The following FAT3 variants were observed in gnomAD, a reference collection of about 807,000 sequenced individuals.
The protein encoded by FAT3 is FAT atypical cadherin 3, also known as protocadherin Fat 3.
A neutral mutation model predicts 310.2 loss-of-function variants in FAT3; 95 were observed. The ratio of observed to expected loss-of-function variants is 0.31; its 90% CI spans 0.26 to 0.36. The LOEUF (loss-of-function observed/expected upper bound fraction) is 0.36, where lower values mean the gene tolerates loss of function less well. Among genes scored for constraint, FAT3 ranks in the 10% least tolerant of loss-of-function variants. The pLI is 1.00. For missense variants in FAT3, 5,408 were observed against 5,715.6 expected, an observed-to-expected ratio of 0.95 and a Z score of 1.74; for synonymous variants, 2,314 against 2,192.9, an observed-to-expected ratio of 1.06 and a Z score of -1.54.
In FAT3 at chr11:92,333,001, T is replaced by C. The variant is rs181371201; in HGVS notation, c.-17-19095T>C. Among the ~76,000 whole-genome samples the C allele has an allele frequency of 2.0e-5, 3 of 152,338 alleles. No homozygotes were observed. In the East Asian group the frequency reaches 5.8e-4, roughly 29 times the overall value. ...AAATTGAGTTGCAGAACCAGTGTAC[T>C]TAACAACAGTGGGGTTTAAGTGATC... On this transcript the variant is annotated intron_variant, in intron 1 of 27. Transcript: ENST00000525166.
intron 1 of FAT3, among the ~76,000 whole-genome samples, chr11:92,339,618 A>G (rs1017792341): frequency 6.6e-6 from 1 of 152,100 alleles, no homozygotes; most frequent in African/African-American, 2.4e-5. Context: ...GGCCAGACCT[A>G]ATTGTGGAGA....
Position 92,827,393 on chromosome 11 carries a change from A to G in FAT3, c.9482-4229A>G, listed in dbSNP as rs573226887. The stretch of plus-strand genomic sequence containing the variant: ...AACCAACTCCCTTTATTTAACTTGG[A>G]AAGGAGTCATAGTGCTGGAAAATAA... On this transcript the variant is annotated intron_variant, in intron 13 of 27. Coordinates refer to ENST00000525166, the MANE Select transcript of FAT3 (RefSeq NM_001367949.2). Among the ~76,000 whole-genome samples the G allele has an allele frequency of 7.2e-5, 11 of 152,298 alleles. No individual in the cohort carries two copies. In the South Asian group the frequency reaches 2.3e-3, roughly 32 times the overall value.
chr11:92,577,082 G>A (rs1354446867), intron 3 of FAT3, among the ~76,000 whole-genome samples: 1 of 151,616 alleles, frequency 6.6e-6, no homozygotes, highest in African/African-American at 2.4e-5. Context: ...TATGTGTCAG[G>A]CATTACCTTG....
At chr11:92,501,890 C>G (rs888028467) in intron 2 of FAT3, among the ~76,000 whole-genome samples, 5 of 151,940 alleles carry the variant, frequency 3.3e-5, no homozygotes, top group Non-Finnish European at 5.9e-5. Context: ...TCTGTGCCCA[C>G]ATGATGTACT....
rs1309217389 is a variant in FAT3, at chr11:92,412,717, A to G, written c.3292+57313A>G. Among the ~76,000 whole-genome samples the G allele has an allele frequency of 1.1e-3, 27 of 25,160 alleles. 2 individuals are homozygous for G. Among genetic ancestry groups the G allele is most frequent in the African/African-American group, 2.4e-3 (25 of 10,434 alleles). 16.5% of individuals were successfully genotyped at this position (25,160 alleles called of 152,430 possible). On this transcript the variant is annotated intron_variant, in intron 2 of 27. Coordinates refer to ENST00000525166, the MANE Select transcript of FAT3 (RefSeq NM_001367949.2). ...TGATGGTGGTGATATATATATATAT[A>G]TATATATATATATATATATATATAT...
At chr11:92,741,605 G>C (rs942970741) in intron 4 of FAT3, among the ~76,000 whole-genome samples, 9 of 152,250 alleles carry the variant, frequency 5.9e-5, no homozygotes, top group Middle Eastern at 6.8e-3. Context: ...TAGTCACCTT[G>C]AATTTATCTG....
chr11:92,246,600 G>A (rs1331560495), intron 1 of FAT3, among the ~76,000 whole-genome samples: 2 of 152,094 alleles, frequency 1.3e-5, no homozygotes, highest in African/African-American at 4.8e-5. Flanking sequence ...AACTGATTAA[G>A]TAGGCAGCTA....
At chr11:92,465,159 G>A (rs1951729595) in intron 2 of FAT3, among the ~76,000 whole-genome samples, 1 of 152,134 alleles carries the variant, frequency 6.6e-6, no homozygotes, top group African/African-American at 2.4e-5. Context: ...CAGTATTACT[G>A]TGGACAGGAG....
chr11:92,274,261 T>C (rs971205334), intron 1 of FAT3, among the ~76,000 whole-genome samples: 1 of 152,086 alleles, frequency 6.6e-6, no homozygotes, highest in Non-Finnish European at 1.5e-5. Flanking sequence ...GGGAGATTTC[T>C]CTTTTTTTGA....
intron 6 of FAT3, among the ~76,000 whole-genome samples, chr11:92,771,776 AC>A (rs1464977117): frequency 1.3e-5 from 2 of 149,748 alleles, no homozygotes; most frequent in South Asian, 2.1e-4. Context: ...AAAAAAAAAA[AC>A]ATAAAATTAG....
intron 1 of FAT3, among the ~76,000 whole-genome samples, chr11:92,321,039 T>C (rs1036640306): frequency 1.4e-4 from 21 of 152,210 alleles, no homozygotes; most frequent in Non-Finnish European, 2.8e-4. Flanking sequence ...AAACTCAAAT[T>C]CCTAGAGATA....
chr11:92,827,505 G>C (rs1948132086), intron 13 of FAT3, among the ~76,000 whole-genome samples: 1 of 152,206 alleles, frequency 6.6e-6, no homozygotes, highest in African/African-American at 2.4e-5. Context: ...CACTTGTGTA[G>C]TTTGGGCAGG....
At chr11:92,479,179 T>G (rs1164551404) in intron 2 of FAT3, among the ~76,000 whole-genome samples, 1 of 150,624 alleles carries the variant, frequency 6.6e-6, no homozygotes, top group Non-Finnish European at 1.5e-5. Flanking sequence ...TTTTTTTTTT[T>G]TTGTATTTTT....
intron 4 of FAT3, among the ~76,000 whole-genome samples, chr11:92,746,434 C>T (rs760240264): frequency 3.3e-5 from 5 of 152,152 alleles, no homozygotes; most frequent in African/African-American, 9.7e-5. Context: ...ATTCATTTAT[C>T]GCCACCTGGT....
intron 3 of FAT3, among the ~76,000 whole-genome samples, chr11:92,526,807 C>T (rs1953882614): frequency 6.6e-6 from 1 of 152,060 alleles, no homozygotes; most frequent in African/African-American, 2.4e-5. Context: ...AGCATTTTTG[C>T]CAGGAATGAC....
chr11:92,716,297 A>C (rs780245263), intron 4 of FAT3, among the ~76,000 whole-genome samples: 3 of 152,188 alleles, frequency 2.0e-5, no homozygotes, highest in Non-Finnish European at 4.4e-5. Context: ...TATAGACATC[A>C]TAAGTTTGGT....
At chr11:92,692,348 C>T (rs878887125) in intron 3 of FAT3, among the ~76,000 whole-genome samples, 2 of 152,204 alleles carry the variant, frequency 1.3e-5, no homozygotes, top group Non-Finnish European at 2.9e-5. Context: ...GTGCCAGTTT[C>T]TGTGTTAAAC....
intron 7 of FAT3, among the ~76,000 whole-genome samples, chr11:92,788,159 T>C (rs550646151): frequency 6.6e-6 from 1 of 152,170 alleles, no homozygotes; most frequent in East Asian, 1.9e-4. Context: ...AAATTACTGG[T>C]AGCAATTATC....
At chr11:92,242,866 G>C (rs905072451) in intron 1 of FAT3, among the ~76,000 whole-genome samples, 2 of 151,880 alleles carry the variant, frequency 1.3e-5, no homozygotes, top group African/African-American at 2.4e-5. Context: ...TGATGCTCTT[G>C]ATCTATCCTG....
Sources: allele counts gnomAD v4.1 joint callset (sites outside exome capture counted in the v4.1 genomes callset), GRCh38; gene constraint gnomAD v4.1.1; transcripts MANE v1.5; gene names NCBI Gene and HGNC (gene_info 2026-07-23, HGNC 2026-07-21).